SLC45A4: variants seen among roughly 807,000 people sequenced by gnomAD.
The protein encoded by SLC45A4 is polyamine-transporter SLC45A4.
Under a neutral mutation model 63.7 loss-of-function variants are expected in SLC45A4, and 32 were observed. The observed-to-expected ratio is 0.50, with a 90% CI of 0.38 to 0.67. The LOEUF (loss-of-function observed/expected upper bound fraction) is 0.67, where lower values mean the gene tolerates loss of function less well. Ranked by LOEUF, SLC45A4 falls within the 30% of genes least tolerant of loss-of-function variation. The pLI is 0.00. For missense variants in SLC45A4, 1,027 were observed against 1,157.7 expected (o/e 0.89, Z 1.64); for synonymous variants, 535 against 510.0 (o/e 1.05, Z -0.66).
In SLC45A4 at chr8:141,256,463, G is replaced by A. The variant is rs1483693122; in HGVS notation, c.-400-1834C>T. On this transcript the variant is annotated intron_variant, in intron 1 of 8. Coordinates refer to ENST00000517878, the MANE Select transcript of SLC45A4 (RefSeq NM_001286646.2). The surrounding 1 kb of genome is among the most constrained non-coding windows in gnomAD (Gnocchi z 4.3). ...CAGAGGAGACCAGAAACCTCGAGGT[G>A]CTGTCTTCACTCGGCTCCTCTCTCA... The A allele has an allele frequency of 1.1e-5, 5 of 444,812 alleles. No homozygotes were observed. The East Asian group carries it at 2.8e-4, about 25-fold the overall frequency. 27.6% of individuals were successfully genotyped at this position (444,812 alleles called of 1,614,324 possible). A position where few individuals can be genotyped will look rare whatever the true frequency, so the allele number is the denominator to read the frequency against.
At chr8:141,257,016 G>A (rs766631175) in intron 1 of SLC45A4, among the ~76,000 whole-genome samples, 1 of 152,110 alleles carries the variant, frequency 6.6e-6, no homozygotes, top group Non-Finnish European at 1.5e-5. Flanking sequence ...ACCACGCCCA[G>A]CTAACTTTTG....
intron 1 of SLC45A4, among the ~76,000 whole-genome samples, chr8:141,290,833 A>C (rs772994006): frequency 3.3e-5 from 5 of 152,120 alleles, no homozygotes; most frequent in Admixed American, 6.5e-5. Context: ...GACACACATA[A>C]ACAACACCTA....
At chr8:141,294,853 A>G (rs923155554) in intron 1 of SLC45A4, among the ~76,000 whole-genome samples, 2 of 152,214 alleles carry the variant, frequency 1.3e-5, no homozygotes, top group African/African-American at 4.8e-5. Context: ...CCAAGGGCCA[A>G]TGCCAAACCT....
At chr8:141,269,539 T>G (rs761728093) in intron 1 of SLC45A4, among the ~76,000 whole-genome samples, 2 of 151,162 alleles carry the variant, frequency 1.3e-5, no homozygotes, top group African/African-American at 4.9e-5. Flanking sequence ...TATGTGGGTG[T>G]GTGTGTGGGT....
At chr8:141,305,437 G>A (rs755101226) in intron 1 of SLC45A4, among the ~76,000 whole-genome samples, 18 of 152,174 alleles carry the variant, frequency 1.2e-4, no homozygotes, top group African/African-American at 4.3e-4. Context: ...GTGCGCCTTC[G>A]TCAGCATAAT....
chr8:141,284,320 G>A (rs1489619426), intron 1 of SLC45A4, among the ~76,000 whole-genome samples: 1 of 152,226 alleles, frequency 6.6e-6, no homozygotes, highest in Non-Finnish European at 1.5e-5. Context: ...GGGCCAGGGT[G>A]GCAGTGTGCA....
chr8:141,254,410 G>T lies in SLC45A4; in HGVS notation c.-181C>A. ...CTCACAACTTCTCACAACGGTATGA[G>T]ACATGCAGCAACACAGAACGATTTT... On this transcript the variant is annotated 5_prime_UTR_variant, in exon 2 of 9. Transcript: ENST00000517878. The surrounding 1 kb of genome is among the most constrained non-coding windows in gnomAD (Gnocchi z 4.5). 1 of 722,874 alleles carries T rather than the reference G, an allele frequency of 1.4e-6. No homozygotes were observed. The highest frequency in any genetic ancestry group is 1.8e-5 in the South Asian group (1 of 55,950). 44.8% of individuals were successfully genotyped at this position (722,874 alleles called of 1,614,324 possible). A position where few individuals can be genotyped will look rare whatever the true frequency, so the allele number is the denominator to read the frequency against.
intron 8 of SLC45A4, chr8:141,211,925 A>G (rs1323344255): frequency 1.6e-6 from 2 of 1,258,352 alleles, no homozygotes; most frequent in Admixed American, 3.9e-5. Flanking sequence ...TGAAATTAAA[A>G]TATCTTTTTC....
At chr8:141,296,653 T>C (rs1830563867) in intron 1 of SLC45A4, among the ~76,000 whole-genome samples, 1 of 149,626 alleles carries the variant, frequency 6.7e-6, no homozygotes, top group Non-Finnish European at 1.5e-5. Context: ...CTGGCCAACA[T>C]GGTGAAACCC....
intron 1 of SLC45A4, among the ~76,000 whole-genome samples, chr8:141,306,937 T>C (rs1445783434): frequency 1.3e-5 from 2 of 152,096 alleles, no homozygotes; most frequent in Non-Finnish European, 2.9e-5. Flanking sequence ...CCCAAAACAG[T>C]AATAAAAACG....
intron 1 of SLC45A4, among the ~76,000 whole-genome samples, chr8:141,293,086 T>A (rs1362620821): frequency 6.6e-6 from 1 of 152,198 alleles, no homozygotes; most frequent in African/African-American, 2.4e-5. Flanking sequence ...TGAGGCTGGA[T>A]GCGTGGGCCT....
chr8:141,244,556 G>A (rs866110962), intron 2 of SLC45A4, among the ~76,000 whole-genome samples: 2 of 152,166 alleles, frequency 1.3e-5, no homozygotes, highest in African/African-American at 2.4e-5. Flanking sequence ...GGGCTGCAGG[G>A]GGTCCTGGAG....
intron 1 of SLC45A4, among the ~76,000 whole-genome samples, chr8:141,266,710 C>T (rs1028923957): frequency 8.5e-5 from 13 of 152,188 alleles, no homozygotes; most frequent in Non-Finnish European, 1.6e-4. Flanking sequence ...GTCCTTAAAA[C>T]TCAACGAAAA....
rs1569558850 is a variant in SLC45A4 at position 141,254,658 on chromosome 8, A to G, written c.-400-29T>C. The G allele has an allele frequency of 7.2e-6, 5 of 697,196 alleles. No homozygotes were observed. Among genetic ancestry groups the G allele is most frequent in the South Asian group, 4.5e-5 (3 of 66,860 alleles). 43.2% of individuals were successfully genotyped at this position (697,196 alleles called of 1,614,324 possible). A position where few individuals can be genotyped will look rare whatever the true frequency, so the allele number is the denominator to read the frequency against. On this transcript the variant is annotated intron_variant, in intron 1 of 8. Transcript: ENST00000517878. This position sits in a 1 kb window ranked among gnomAD's most constrained non-coding sequence, Gnocchi z 4.5. ...CAAAAGAGGAAAACAACCCGGCCAGAGAGTCAGGGGACGGCCACCAGATGG... is the reference window on the plus strand; with the variant it reads ...CAAAAGAGGAAAACAACCCGGCCAGGGAGTCAGGGGACGGCCACCAGATGG...
intron 2 of SLC45A4, among the ~76,000 whole-genome samples, chr8:141,244,548 G>A (rs1828074614): frequency 6.6e-6 from 1 of 152,174 alleles, no homozygotes; most frequent in Admixed American, 6.5e-5. Context: ...GAAAGACAGG[G>A]CTGCAGGGGG....
chr8:141,241,531 T>G (rs1827917251), intron 2 of SLC45A4, among the ~76,000 whole-genome samples: 1 of 152,138 alleles, frequency 6.6e-6, no homozygotes, highest in Non-Finnish European at 1.5e-5. Flanking sequence ...AATTCATATT[T>G]TAAAAACAGT....
intron 1 of SLC45A4, among the ~76,000 whole-genome samples, chr8:141,296,763 G>A (rs1019211100): frequency 3.4e-5 from 5 of 145,400 alleles, no homozygotes; most frequent in Non-Finnish European, 6.0e-5. Context: ...TTGTACCCAC[G>A]AGGCAGAGGT....
chr8:141,247,542 A>G (rs1005055483), intron 2 of SLC45A4, among the ~76,000 whole-genome samples: 1 of 152,230 alleles, frequency 6.6e-6, no homozygotes, highest in African/African-American at 2.4e-5. Context: ...TAAAATTTAT[A>G]TGGAGATGTG....
At chr8:141,241,532 TA>T (rs767930071) in intron 2 of SLC45A4, among the ~76,000 whole-genome samples, 7 of 152,068 alleles carry the variant, frequency 4.6e-5, no homozygotes, top group Middle Eastern at 6.3e-3. Flanking sequence ...ATTCATATTT[TA>T]AAAACAGTGC....
Sources: gnomAD v4.1 joint callset for allele counts (sites outside exome capture counted in the v4.1 genomes callset) on GRCh38, gnomAD v4.1.1 for gene constraint, Gnocchi (gnomAD v3.1) non-coding constraint, MANE v1.5 for transcripts, NCBI Gene and HGNC (gene_info 2026-07-23, HGNC 2026-07-21) for gene names.